NUMB: variants seen among roughly 807,000 people sequenced by gnomAD.
NUMB encodes NUMB endocytic adaptor protein.
Under a neutral mutation model 59.7 loss-of-function variants are expected in NUMB, and 29 were observed. The ratio of observed to expected loss-of-function variants is 0.49; its 90% CI spans 0.36 to 0.66. NUMB has a LOEUF of 0.66. NUMB is among the 30% of genes least tolerant of loss of function. NUMB has a pLI of 0.00. For synonymous variants in NUMB, 288 were observed against 288.2 expected, an observed-to-expected ratio of 1.00 and a Z score of 0.01; for missense variants, 723 against 822.0, an observed-to-expected ratio of 0.88 and a Z score of 1.47.
At chr14:73,339,265 T>C (rs538691938) in intron 4 of NUMB, among the ~76,000 whole-genome samples, 3 of 152,342 alleles carry the variant, frequency 2.0e-5, no homozygotes, top group Admixed American at 6.5e-5. Context: ...ATGTAGGTGA[T>C]AGGGCTGACA....
At chr14:73,286,190 ATTTTTTTTTTTTTTTTTT>A (rs55711968) in intron 9 of NUMB, 6 of 72,130 alleles carry the variant, frequency 8.3e-5, no homozygotes, top group Admixed American at 4.2e-4. Context: ...AAATATGGCA[ATTTTTTTTTTTTTTTTTT>A]TTTTTTTTTT....
intron 2 of NUMB, among the ~76,000 whole-genome samples, chr14:73,376,877 C>G (rs1894973830): frequency 2.0e-5 from 3 of 152,184 alleles, no homozygotes; most frequent in African/African-American, 7.2e-5. Flanking sequence ...CATGGTGAGA[C>G]TCCCATCTCT....
chr14:73,363,719 T>G (rs996418330), intron 3 of NUMB, among the ~76,000 whole-genome samples: 2 of 152,034 alleles, frequency 1.3e-5, no homozygotes, highest in African/African-American at 4.8e-5. Flanking sequence ...GAGGCTGAGG[T>G]GGAAGGACTG....
intron 4 of NUMB, 22 bp downstream of exon 4, chr14:73,355,604 T>TTA: frequency 6.2e-7 from 1 of 1,606,214 alleles, no homozygotes; most frequent in Non-Finnish European, 8.5e-7. Flanking sequence ...ACATACAGAC[T>TTA]TATAGAAACA....
intron 6 of NUMB, among the ~76,000 whole-genome samples, chr14:73,312,478 G>T (rs1890828404): frequency 6.6e-6 from 1 of 151,842 alleles, no homozygotes; most frequent in African/African-American, 2.4e-5. Context: ...CTTTGGCAGG[G>T]TGAGGTGGGC....
chr14:73,368,132 T>C (rs1379197145), intron 2 of NUMB, among the ~76,000 whole-genome samples: 1 of 152,064 alleles, frequency 6.6e-6, no homozygotes, highest in Admixed American at 6.6e-5. Flanking sequence ...AGGGTAAATA[T>C]TGTAGAATGA....
At position 73,308,406 on chromosome 14, in the gene NUMB, G is replaced by A. The variant is rs150427835; in HGVS notation, c.234+7984C>T. Reference sequence around the variant, plus strand: ...GATTTGTGACATATTAAAGTGTGAGGTGACTAGCAGATATCGAAGAGAAAA... The same window carrying A: ...GATTTGTGACATATTAAAGTGTGAGATGACTAGCAGATATCGAAGAGAAAA... On this transcript the variant is annotated intron_variant, in intron 6 of 12. Coordinates refer to ENST00000555238, the MANE Select transcript of NUMB (RefSeq NM_001005743.2). Among the ~76,000 whole-genome samples the A allele has an allele frequency of 5.2e-3, 795 of 152,204 alleles. 15 individuals carry two copies. The South Asian group carries it at 0.059, about 11-fold the overall frequency.
At chr14:73,394,658 C>T (rs905742105) in intron 2 of NUMB, among the ~76,000 whole-genome samples, 4 of 152,154 alleles carry the variant, frequency 2.6e-5, no homozygotes, top group East Asian at 1.9e-4. Context: ...TCATCCTAAC[C>T]GAAACTTTGT....
At chr14:73,349,652 G>T (rs182659358) in intron 4 of NUMB, among the ~76,000 whole-genome samples, 98 of 152,062 alleles carry the variant, frequency 6.4e-4, no homozygotes, top group Non-Finnish European at 1.2e-3. Context: ...GGCCGAGACG[G>T]GTGGATCACG....
intron 2 of NUMB, among the ~76,000 whole-genome samples, chr14:73,367,296 T>TATATACACACACACAC (rs1406816784): frequency 8.3e-6 from 1 of 121,030 alleles, no homozygotes; most frequent in African/African-American, 3.6e-5. Flanking sequence ...TATATATATA[T>TATATACACACACACAC]ACACACACAC....
intron 1 of NUMB, among the ~76,000 whole-genome samples, chr14:73,413,904 C>T (rs902139758): frequency 9.2e-5 from 14 of 151,982 alleles, no homozygotes; most frequent in Non-Finnish European, 1.5e-4. Context: ...TAATATTAAG[C>T]AGTCACACCT....
At chr14:73,291,121 C>T (rs1889364259) in intron 8 of NUMB, among the ~76,000 whole-genome samples, 1 of 151,390 alleles carries the variant, frequency 6.6e-6, no homozygotes, top group African/African-American at 2.4e-5. Context: ...TGCTTTGTCA[C>T]CTAGGCTGCA....
intron 10 of NUMB, 79 bp from the exon 11 acceptor site, chr14:73,282,584 CT>C: frequency 6.9e-7 from 1 of 1,443,782 alleles, no homozygotes; most frequent in Non-Finnish European, 9.5e-7. Context: ...CAAGCTGGCA[CT>C]TTATACTGTA....
In NUMB at chr14:73,443,468, G is replaced by A. The variant is rs188814378; in HGVS notation, c.-233+15025C>T. ...AAATTAGCCAGGCGTGGTGGCGCAC[G>A]CCTGTAATCCCAGCTAATCAGGAGG... On this transcript the variant is annotated intron_variant, in intron 1 of 12. Coordinates refer to ENST00000555238, the MANE Select transcript of NUMB (RefSeq NM_001005743.2). Among the ~76,000 whole-genome samples the A allele has an allele frequency of 3.5e-4, 53 of 151,968 alleles. No homozygotes were observed. In the East Asian group the frequency reaches 3.7e-3, roughly 11 times the overall value.
intron 4 of NUMB, among the ~76,000 whole-genome samples, chr14:73,353,072 G>GTTTTTTTTTT (rs71112737): frequency 0.013 from 755 of 58,492 alleles, 206 homozygotes; most frequent in Admixed American, 0.017. Context: ...AGTTTTTCTT[G>GTTTTTTTTTT]TTTTTTTTTT....
chr14:73,429,470 C>T (rs932920107), intron 1 of NUMB, among the ~76,000 whole-genome samples: 4 of 152,108 alleles, frequency 2.6e-5, no homozygotes, highest in Non-Finnish European at 4.4e-5. Context: ...GTCTGACTTC[C>T]TTCATTTAGC....
intron 6 of NUMB, among the ~76,000 whole-genome samples, chr14:73,309,119 A>T (rs1231043026): frequency 6.6e-6 from 1 of 152,174 alleles, no homozygotes; most frequent in African/African-American, 2.4e-5. Context: ...GAATAAGAAG[A>T]ATCTGGTGGA....
At position 73,276,770 on chromosome 14, in the gene NUMB, A is replaced by G; in HGVS notation, c.1764T>C (p.Ala588=). The G allele has an allele frequency of 6.2e-7, 1 of 1,614,206 alleles. No homozygotes were observed. Among genetic ancestry groups the G allele is most frequent in the Non-Finnish European group, 8.5e-7 (1 of 1,180,040 alleles). The change falls in exon 13 of 13, where the codon GCT becomes GCC. Residue 588 remains alanine (A), a synonymous_variant. Transcript: ENST00000555238. ...ACCTGCCATCATCTACACCATTGAA[A>G]GCTGCAGAACCGTTGAGGTGCTGAG... ...PPAQHLNGSA[A]FNGVDDGRLA...
intron 4 of NUMB, among the ~76,000 whole-genome samples, chr14:73,353,080 T>G (rs1401212137): frequency 1.0e-5 from 1 of 97,012 alleles, no homozygotes; most frequent in Non-Finnish European, 2.1e-5. Flanking sequence ...TTGTTTTTTT[T>G]TTTTTTTTTT....
Sources: gnomAD v4.1 joint callset for allele counts (sites outside exome capture counted in the v4.1 genomes callset) on GRCh38, gnomAD v4.1.1 for gene constraint, MANE v1.5 for transcripts, NCBI Gene and HGNC (gene_info 2026-07-23, HGNC 2026-07-21) for gene names.